ZBTB16: variants seen among roughly 807,000 people sequenced by gnomAD.
The protein encoded by ZBTB16 is zinc finger and BTB domain containing 16, also known as zinc finger and BTB domain-containing protein 16.
Under a neutral mutation model 56.8 loss-of-function variants are expected in ZBTB16, and 8 were observed. The ratio of observed to expected loss-of-function variants is 0.14; its 90% CI spans 0.08 to 0.25. ZBTB16 has a LOEUF of 0.25. Among genes scored for constraint, ZBTB16 ranks in the 10% least tolerant of loss-of-function variants. ZBTB16 has a pLI of 1.00. For synonymous variants in ZBTB16, 363 were observed against 368.5 expected, an observed-to-expected ratio of 0.98 and a Z score of 0.17; for missense variants, 625 against 903.0, an observed-to-expected ratio of 0.69 and a Z score of 3.95.
intron 2 of ZBTB16, among the ~76,000 whole-genome samples, chr11:114,092,980 A>G (rs905221856): frequency 6.6e-6 from 1 of 152,194 alleles, no homozygotes; most frequent in Non-Finnish European, 1.5e-5. Flanking sequence ...GTTGTAGAAT[A>G]TGTGAAAACA....
At chr11:114,205,428 T>A (rs944191888) in intron 4 of ZBTB16, among the ~76,000 whole-genome samples, 18 of 150,702 alleles carry the variant, frequency 1.2e-4, no homozygotes, top group Admixed American at 2.6e-4. Context: ...AAAAAAAAAA[T>A]TTCTTCTCTG....
intron 2 of ZBTB16, among the ~76,000 whole-genome samples, chr11:114,092,496 T>C (rs1940230221): frequency 1.3e-5 from 2 of 152,208 alleles, no homozygotes; most frequent in African/African-American, 4.8e-5. Context: ...ACATCCATTG[T>C]GGTTGAGGAT....
intron 2 of ZBTB16, among the ~76,000 whole-genome samples, chr11:114,088,376 A>C (rs1251197044): frequency 6.6e-6 from 1 of 152,060 alleles, no homozygotes; most frequent in Non-Finnish European, 1.5e-5. Context: ...TCCTCGCCTC[A>C]AGTGATCTTC....
chr11:114,131,407 T>C (rs1185612814), intron 2 of ZBTB16, among the ~76,000 whole-genome samples: 1 of 152,224 alleles, frequency 6.6e-6, no homozygotes, highest in Non-Finnish European at 1.5e-5. Flanking sequence ...AATCTTTTGT[T>C]TTCTCTGTTT....
chr11:114,180,327 C>G (rs1399348475), intron 3 of ZBTB16, among the ~76,000 whole-genome samples: 1 of 152,164 alleles, frequency 6.6e-6, no homozygotes, highest in Non-Finnish European at 1.5e-5. Flanking sequence ...GTCTCTTTCA[C>G]AACTGGGTAC....
intron 4 of ZBTB16, among the ~76,000 whole-genome samples, chr11:114,202,424 T>C (rs1943757508): frequency 1.3e-5 from 2 of 152,198 alleles, no homozygotes; most frequent in Admixed American, 6.5e-5. Flanking sequence ...GCTGTCCATC[T>C]GGCTTTGGAC....
chr11:114,140,988 C>T (rs10891631), intron 2 of ZBTB16, among the ~76,000 whole-genome samples: 57,842 of 151,950 alleles, frequency 0.38, 11,147 homozygotes, highest in East Asian at 0.45. Context: ...TGGGGCTGCT[C>T]GATGACTGCA....
At chr11:114,216,631 T>C (rs545638) in intron 4 of ZBTB16, among the ~76,000 whole-genome samples, 136,887 of 152,192 alleles carry the variant, frequency 0.9, 61,745 homozygotes, top group East Asian at 0.94. Context: ...GCCTGCAGCA[T>C]ATACACATTT....
intron 2 of ZBTB16, among the ~76,000 whole-genome samples, chr11:114,138,943 T>G (rs631184): frequency 6.6e-6 from 1 of 152,042 alleles, no homozygotes; most frequent in East Asian, 1.9e-4. Context: ...CACCCGCTTC[T>G]GCCTCCCAAA....
intron 4 of ZBTB16, among the ~76,000 whole-genome samples, chr11:114,205,145 T>C (rs651579): frequency 0.49 from 74,817 of 151,832 alleles, 20,483 homozygotes; most frequent in African/African-American, 0.74. Flanking sequence ...CGCGGTGGCT[T>C]ATGCCTGTAA....
At chr11:114,150,855 G>T (rs539991288) in intron 2 of ZBTB16, among the ~76,000 whole-genome samples, 5 of 152,312 alleles carry the variant, frequency 3.3e-5, no homozygotes, top group African/African-American at 1.2e-4. Flanking sequence ...CATTGGCAGA[G>T]CTCCATAAAG....
chr11:114,174,582 T>C (rs1192487993), intron 3 of ZBTB16, among the ~76,000 whole-genome samples: 1 of 152,174 alleles, frequency 6.6e-6, no homozygotes, highest in African/African-American at 2.4e-5. Context: ...CCAATGCCAC[T>C]TGCAACTGTC....
chr11:114,234,248 A>G (rs899324759), intron 4 of ZBTB16, among the ~76,000 whole-genome samples: 2 of 152,224 alleles, frequency 1.3e-5, no homozygotes, highest in Non-Finnish European at 2.9e-5. Flanking sequence ...GAAATTGACA[A>G]GTGATGCTAA....
chr11:114,238,774 G>C (rs1944646740), intron 4 of ZBTB16, among the ~76,000 whole-genome samples: 2 of 152,032 alleles, frequency 1.3e-5, no homozygotes, highest in African/African-American at 4.8e-5. Context: ...CCATCCCCAG[G>C]GCCTGACCTT....
At chr11:114,124,267 A>G (rs1941427351) in intron 2 of ZBTB16, among the ~76,000 whole-genome samples, 1 of 151,936 alleles carries the variant, frequency 6.6e-6, no homozygotes, top group Non-Finnish European at 1.5e-5. Flanking sequence ...ACCTGCGCTT[A>G]TGCCAGGGGT....
intron 2 of ZBTB16, among the ~76,000 whole-genome samples, chr11:114,142,890 C>T (rs1021634186): frequency 2.0e-4 from 30 of 151,958 alleles, no homozygotes; most frequent in African/African-American, 6.8e-4. Flanking sequence ...TTTACAAAAA[C>T]GGGGAGGAAA....
Position 114,143,282 on chromosome 11 carries a change from T to C in ZBTB16, c.1269-13055T>C, listed in dbSNP as rs1482005518. 2.0e-5 allele frequency among the ~76,000 whole-genome samples: 3 copies of C among 152,140 alleles called. No individual in the cohort carries two copies. Among genetic ancestry groups the C allele is most frequent in the African/African-American group, 7.2e-5 (3 of 41,416 alleles). On this transcript the variant is annotated intron_variant, in intron 2 of 6. Coordinates refer to ENST00000335953, the MANE Select transcript of ZBTB16 (RefSeq NM_006006.6). The surrounding 1 kb of genome is among the most constrained non-coding windows in gnomAD (Gnocchi z 6.4). Reference sequence around the variant, plus strand: ...ACTAATGCTGTGCCCTTTGCAAGGCTTGAGAATACAAGATGAATGAGGCAA... The same window carrying C: ...ACTAATGCTGTGCCCTTTGCAAGGCCTGAGAATACAAGATGAATGAGGCAA...
intron 3 of ZBTB16, among the ~76,000 whole-genome samples, chr11:114,177,671 A>G (rs1022592376): frequency 2.6e-5 from 4 of 152,032 alleles, no homozygotes; most frequent in African/African-American, 9.7e-5. Context: ...GTAGTAAGAG[A>G]GATTTTGTGC....
At chr11:114,132,174 A>G (rs1016482036) in intron 2 of ZBTB16, among the ~76,000 whole-genome samples, 1 of 152,154 alleles carries the variant, frequency 6.6e-6, no homozygotes, top group Non-Finnish European at 1.5e-5. Flanking sequence ...TAGGTCTAGA[A>G]TGCTGTACAA....
Sources: allele counts gnomAD v4.1 joint callset (sites outside exome capture counted in the v4.1 genomes callset), GRCh38; gene constraint gnomAD v4.1.1; non-coding constraint Gnocchi (gnomAD v3.1); transcripts MANE v1.5; gene names NCBI Gene and HGNC (gene_info 2026-07-23, HGNC 2026-07-21).